Variants in KCNQ5 observed in about 807,000 individuals in gnomAD.
The protein encoded by KCNQ5 is potassium voltage-gated channel subfamily Q member 5.
KCNQ5 carries 30 observed loss-of-function variants against 98.2 expected under a neutral mutation model. The observed-to-expected ratio is 0.31, with a 90% CI of 0.23 to 0.41. The LOEUF (loss-of-function observed/expected upper bound fraction) is 0.41, where lower values mean the gene tolerates loss of function less well. Ranked by LOEUF, KCNQ5 falls within the 10% of genes least tolerant of loss-of-function variation. The pLI is 1.00. For missense variants in KCNQ5, 835 were observed against 1,182.5 expected, an observed-to-expected ratio of 0.71 and a Z score of 4.31; for synonymous variants, 458 against 449.4, an observed-to-expected ratio of 1.02 and a Z score of -0.24.
rs760934088 is a variant in KCNQ5 at position 73,175,400 on chromosome 6, C to A, written c.1577+5546C>A. 8.5e-5 allele frequency among the ~76,000 whole-genome samples: 13 copies of A among 152,216 alleles called. No homozygotes were observed. In the South Asian group the frequency reaches 1.2e-3, roughly 15 times the overall value. ...CTCGACCTCAGGTGATCTGCCCCCC[C>A]CTTGGCTTCCCTAAGTGCTGGGATT... On this transcript the variant is annotated intron_variant, in intron 11 of 13. Coordinates refer to ENST00000370398, the MANE Select transcript of KCNQ5 (RefSeq NM_019842.4).
chr6:72,684,143 A>G (rs1272929864), intron 1 of KCNQ5, among the ~76,000 whole-genome samples: 3 of 152,234 alleles, frequency 2.0e-5, no homozygotes, highest in African/African-American at 7.2e-5. Context: ...AAAGCCCGAC[A>G]TGATTCTCTT....
rs1324666562 is a variant in KCNQ5, at chr6:73,190,586, C to T, written c.1591C>T (p.His531Tyr). ...GTTCTCATACAGAATTATGAAATTT[C>T]ATGTTGCAAAACGGAAGTTTAAGGA... is the stretch of plus-strand genomic sequence containing the variant. ...VIRAIRIMKF[H>Y]VAKRKFKETL... The change falls in exon 12 of 14, where the codon CAT (histidine) becomes TAT (tyrosine). Residue 531 changes from histidine (H) to tyrosine (Y), a missense_variant. His to Tyr is a moderately conservative substitution (Grantham distance 83). Around this residue, in one of 10 missense-constraint regions of KCNQ5, gnomAD observed 146 missense variants for 256.7 expected, o/e 0.57. Transcript: ENST00000370398. 8.0e-6 allele frequency: 12 copies of T among 1,503,706 alleles called. No individual in the cohort carries two copies. Among genetic ancestry groups the T allele is most frequent in the Non-Finnish European group, 1.1e-5 (12 of 1,102,874 alleles). The allele number at this position is 1,503,706 out of a possible 1,614,324, so 93.1% of individuals were successfully genotyped here.
chr6:72,772,317 A>G (rs1382948927), intron 1 of KCNQ5, among the ~76,000 whole-genome samples: 1 of 152,176 alleles, frequency 6.6e-6, no homozygotes, highest in Non-Finnish European at 1.5e-5. Context: ...AGCCTATTTT[A>G]TGACAAAGTG....
intron 1 of KCNQ5, among the ~76,000 whole-genome samples, chr6:72,779,792 G>A (rs181286360): frequency 6.6e-6 from 1 of 151,350 alleles, no homozygotes; most frequent in Non-Finnish European, 1.5e-5. Flanking sequence ...CCACAGGCAC[G>A]AGTCACCATG....
intron 2 of KCNQ5, among the ~76,000 whole-genome samples, chr6:73,029,177 T>C (rs1771021977): frequency 6.6e-6 from 1 of 152,178 alleles, no homozygotes; most frequent in South Asian, 2.1e-4. Context: ...ATGGCTTATG[T>C]ACAGTAGGAG....
At chr6:73,083,728 C>T (rs1289687347) in intron 5 of KCNQ5, among the ~76,000 whole-genome samples, 2 of 152,152 alleles carry the variant, frequency 1.3e-5, no homozygotes, top group Non-Finnish European at 2.9e-5. Context: ...ATTAAGAAGA[C>T]TTCTCTGTGT....
chr6:72,972,562 C>G (rs1767955721), intron 1 of KCNQ5, among the ~76,000 whole-genome samples: 1 of 147,118 alleles, frequency 6.8e-6, no homozygotes, highest in African/African-American at 2.5e-5. Flanking sequence ...TCTCAATGTT[C>G]AACTCCCACT....
At chr6:73,135,325 AT>A (rs1776418807) in intron 10 of KCNQ5, 1 of 151,648 alleles carries the variant, frequency 6.6e-6, no homozygotes, top group Admixed American at 6.6e-5. Context: ...TTGTTTCTTC[AT>A]TTTTTAATCT....
chr6:72,837,691 T>C (rs1303459831), intron 1 of KCNQ5, among the ~76,000 whole-genome samples: 3 of 152,200 alleles, frequency 2.0e-5, no homozygotes, highest in Non-Finnish European at 4.4e-5. Flanking sequence ...GCATAAGATA[T>C]TCATATATCA....
At position 72,622,893 on chromosome 6, in the gene KCNQ5, A is replaced by G. The variant is rs1237585725; in HGVS notation, c.398+306A>G. Among the ~76,000 whole-genome samples, 3 of 152,166 alleles carry G rather than the reference A, an allele frequency of 2.0e-5. No individual in the cohort carries two copies. The highest frequency in any genetic ancestry group is 4.4e-5 in the Non-Finnish European group (3 of 68,040). ...GCTGCGCGGATAATTGGGAGCAATT[A>G]GGTCCCAAGATACGTAAACTTCAAC... On this transcript the variant is annotated intron_variant, in intron 1 of 13. Transcript: ENST00000370398. This position sits in a 1 kb window ranked among gnomAD's most constrained non-coding sequence, Gnocchi z 6.0.
intron 1 of KCNQ5, among the ~76,000 whole-genome samples, chr6:72,928,024 T>C (rs1582032435): frequency 6.6e-6 from 1 of 151,870 alleles, no homozygotes; most frequent in South Asian, 2.1e-4. Flanking sequence ...GGAGGGAAAA[T>C]AGAAAAATTA....
At chr6:72,730,969 C>T (rs1455747126) in intron 1 of KCNQ5, among the ~76,000 whole-genome samples, 1 of 151,822 alleles carries the variant, frequency 6.6e-6, no homozygotes, top group South Asian at 2.1e-4. Flanking sequence ...ATTTTATGTC[C>T]CTTAGAAGCA....
At chr6:73,076,801 GA>G (rs557749647) in intron 3 of KCNQ5, among the ~76,000 whole-genome samples, 1 of 152,124 alleles carries the variant, frequency 6.6e-6, no homozygotes, top group African/African-American at 2.4e-5. Context: ...AATTTTGGGG[GA>G]AAGGAAATGC....
At chr6:72,640,098 A>C (rs187542696) in intron 1 of KCNQ5, among the ~76,000 whole-genome samples, 8 of 152,286 alleles carry the variant, frequency 5.3e-5, no homozygotes, top group African/African-American at 1.7e-4. Flanking sequence ...TGAGATTGTG[A>C]GAATTTCTCT....
intron 1 of KCNQ5, among the ~76,000 whole-genome samples, chr6:72,893,346 A>AG (rs1428319253): frequency 3.3e-5 from 5 of 152,310 alleles, no homozygotes. Flanking sequence ...TATCAAAAAG[A>AG]GGAGCGCAGA....
chr6:72,670,069 G>A (rs1306997264), intron 1 of KCNQ5, among the ~76,000 whole-genome samples: 1 of 152,116 alleles, frequency 6.6e-6, no homozygotes, highest in East Asian at 1.9e-4. Flanking sequence ...ATACTCTGCT[G>A]AGTGTCCAGT....
intron 1 of KCNQ5, among the ~76,000 whole-genome samples, chr6:72,900,390 G>GGT (rs1438931295): frequency 7.0e-6 from 1 of 142,986 alleles, no homozygotes; most frequent in Non-Finnish European, 1.5e-5. Flanking sequence ...AAGAAACTGT[G>GGT]GTATATATAT....
intron 2 of KCNQ5, among the ~76,000 whole-genome samples, chr6:73,014,266 T>A (rs1310678461): frequency 6.6e-6 from 1 of 152,142 alleles, no homozygotes; most frequent in Non-Finnish European, 1.5e-5. Flanking sequence ...AGTTTTTAGA[T>A]GAAAATTGTC....
At chr6:72,691,194 A>G (rs930503058) in intron 1 of KCNQ5, among the ~76,000 whole-genome samples, 1 of 152,208 alleles carries the variant, frequency 6.6e-6, no homozygotes, top group Non-Finnish European at 1.5e-5. Flanking sequence ...GACTTGTGTT[A>G]ATTATGTGAT....
Sources: allele counts gnomAD v4.1 joint callset (sites outside exome capture counted in the v4.1 genomes callset), GRCh38; gene constraint gnomAD v4.1.1; regional missense constraint gnomAD v4.1.1; non-coding constraint Gnocchi (gnomAD v3.1); transcripts MANE v1.5; gene names NCBI Gene and HGNC (gene_info 2026-07-23, HGNC 2026-07-21).